Variants in SMOC1 observed in about 807,000 individuals in gnomAD.
SMOC1 encodes SPARC related modular calcium binding 1.
In SMOC1, 22 loss-of-function variants were observed where a neutral mutation model predicts 56.3. The observed-to-expected ratio is 0.39, with a 90% CI of 0.28 to 0.56. The LOEUF (loss-of-function observed/expected upper bound fraction) is 0.56. Among genes scored for constraint, SMOC1 ranks in the 20% least tolerant of loss-of-function variants. The pLI, the probability that SMOC1 is intolerant of heterozygous loss-of-function variation, is 0.61. For synonymous variants in SMOC1, 193 were observed against 215.0 expected (o/e 0.90, Z 0.89); for missense variants, 509 against 565.4 (o/e 0.90, Z 1.01).
At chr14:70,002,756 A>T (rs1178530351) in intron 7 of SMOC1, among the ~76,000 whole-genome samples, 1 of 152,198 alleles carries the variant, frequency 6.6e-6, no homozygotes, top group Non-Finnish European at 1.5e-5. Context: ...ACAAGTAAGA[A>T]AAATAACCTG....
At chr14:69,938,887 C>T (rs1340642755) in intron 1 of SMOC1, among the ~76,000 whole-genome samples, 1 of 152,184 alleles carries the variant, frequency 6.6e-6, no homozygotes, top group African/African-American at 2.4e-5. Context: ...GTCCTAGACT[C>T]TTGAACAAGA....
chr14:69,940,234 T>A (rs767409765), intron 1 of SMOC1, among the ~76,000 whole-genome samples: 1 of 152,104 alleles, frequency 6.6e-6, no homozygotes, highest in African/African-American at 2.4e-5. Flanking sequence ...ACTGAACTTC[T>A]CCCTCAGTCC....
rs185311738 is a variant in SMOC1 at position 69,933,916 on chromosome 14, T to C, written c.100-18222T>C. Among the ~76,000 whole-genome samples, 124 of 152,346 alleles carry C rather than the reference T, an allele frequency of 8.1e-4. 1 individual carries two copies. The highest frequency in any genetic ancestry group is 6.8e-3 in the Middle Eastern group (2 of 294). Reference sequence around the variant, plus strand: ...CTTCAGTGAAAGTATGTTGAAACCATGGGATGCAGTTTAAAAAACTGATTT... The same window carrying C: ...CTTCAGTGAAAGTATGTTGAAACCACGGGATGCAGTTTAAAAAACTGATTT... On this transcript the variant is annotated intron_variant, in intron 1 of 11. Coordinates refer to ENST00000361956, the MANE Select transcript of SMOC1 (RefSeq NM_001034852.3).
intron 10 of SMOC1, among the ~76,000 whole-genome samples, chr14:70,022,570 C>T (rs913695584): frequency 1.3e-5 from 2 of 152,234 alleles, no homozygotes; most frequent in Non-Finnish European, 2.9e-5. Context: ...TGGTGTCTGA[C>T]CCAGTTGCTT....
intron 1 of SMOC1, among the ~76,000 whole-genome samples, chr14:69,882,836 A>T (rs1012272073): frequency 1.3e-5 from 2 of 152,168 alleles, no homozygotes; most frequent in Non-Finnish European, 2.9e-5. Context: ...ACCTGTCAAG[A>T]TTTACTTTGT....
chr14:69,947,501 G>A (rs115517701), intron 1 of SMOC1, among the ~76,000 whole-genome samples: 3 of 152,228 alleles, frequency 2.0e-5, no homozygotes, highest in African/African-American at 7.2e-5. Context: ...TGCAAGAATG[G>A]CCTAACATAC....
chr14:69,971,860 C>T (rs1330637890), intron 3 of SMOC1, among the ~76,000 whole-genome samples: 1 of 152,228 alleles, frequency 6.6e-6, no homozygotes, highest in Non-Finnish European at 1.5e-5. Context: ...AAACGTTTTG[C>T]TGACTTTAGA....
rs1246999531 is a variant in SMOC1 at position 70,011,554 on chromosome 14, C to T, written c.927C>T (p.Asp309=). The change falls in exon 9 of 12, where the codon GAC becomes GAT. Residue 309 remains aspartate (D), a synonymous_variant. Transcript: ENST00000361956. ...KTTEADDPFK[D]RELPGCPEGK... is the part of the protein sequence containing the mutation. Reference sequence around the variant, plus strand: ...CAGAGGCGGATGACCCCTTCAAGGACAGGGAGCTACCAGGTGGGAGACGAT... The same window carrying T: ...CAGAGGCGGATGACCCCTTCAAGGATAGGGAGCTACCAGGTGGGAGACGAT... 1.8e-5 allele frequency: 29 copies of T among 1,613,154 alleles called. No homozygotes were observed. The East Asian group carries it at 6.5e-4, about 36-fold the overall frequency.
At chr14:69,892,031 A>G (rs1883975874) in intron 1 of SMOC1, among the ~76,000 whole-genome samples, 1 of 152,186 alleles carries the variant, frequency 6.6e-6, no homozygotes, top group Admixed American at 6.5e-5. Context: ...GAAGATATTA[A>G]TCTGTTTTTC....
intron 1 of SMOC1, among the ~76,000 whole-genome samples, chr14:69,892,273 T>C (rs1389604810): frequency 6.6e-6 from 1 of 152,230 alleles, no homozygotes; most frequent in African/African-American, 2.4e-5. Flanking sequence ...CCGATTAATG[T>C]TTGCTGTAAG....
At chr14:70,004,130 GC>G (rs1423909197) in intron 7 of SMOC1, among the ~76,000 whole-genome samples, 3 of 152,122 alleles carry the variant, frequency 2.0e-5, no homozygotes, top group African/African-American at 7.2e-5. Flanking sequence ...CACTGGGAGA[GC>G]TTCTGATTCT....
intron 1 of SMOC1, among the ~76,000 whole-genome samples, chr14:69,900,517 T>C (rs1451643075): frequency 6.6e-6 from 1 of 152,210 alleles, no homozygotes; most frequent in African/African-American, 2.4e-5. Flanking sequence ...CCGGGTACTT[T>C]TCTAAGCCCC....
At chr14:69,941,323 C>T (rs1224377159) in intron 1 of SMOC1, among the ~76,000 whole-genome samples, 2 of 152,208 alleles carry the variant, frequency 1.3e-5, no homozygotes, top group African/African-American at 2.4e-5. Flanking sequence ...GGGTAACCAC[C>T]TCTCAGGAGG....
intron 1 of SMOC1, among the ~76,000 whole-genome samples, chr14:69,882,214 C>G (rs147588753): frequency 2.0e-5 from 3 of 152,074 alleles, no homozygotes; most frequent in Admixed American, 1.3e-4. Context: ...CGGCGTCATC[C>G]GAGGAGCAGA....
chr14:69,903,473 G>A (rs540547702), intron 1 of SMOC1, among the ~76,000 whole-genome samples: 2 of 152,370 alleles, frequency 1.3e-5, no homozygotes, highest in African/African-American at 2.4e-5. Flanking sequence ...AGGGGGAAAT[G>A]TGGGGAAAAG....
rs573633855 is a variant in SMOC1, at chr14:69,921,785, C to T, written c.100-30353C>T. On this transcript the variant is annotated intron_variant, in intron 1 of 11. Coordinates refer to ENST00000361956, the MANE Select transcript of SMOC1 (RefSeq NM_001034852.3). ...CCAATGCTTCTTATGTGTTCCTTTC[C>T]TTTTATAAAATGGCTCAGAGGGTCT... 4.8e-4 allele frequency among the ~76,000 whole-genome samples: 73 copies of T among 152,288 alleles called. 1 individual carries two copies. The highest frequency in any genetic ancestry group is 1.7e-3 in the African/African-American group (71 of 41,562).
chr14:69,980,797 C>T (rs1368463626), intron 5 of SMOC1, among the ~76,000 whole-genome samples: 4 of 152,146 alleles, frequency 2.6e-5, no homozygotes, highest in Admixed American at 2.6e-4. Context: ...GGTCTGCACC[C>T]TTGTGCAGGG....
chr14:69,936,716 C>T (rs978084516), intron 1 of SMOC1, among the ~76,000 whole-genome samples: 25 of 152,206 alleles, frequency 1.6e-4, no homozygotes, highest in Admixed American at 3.3e-4. Context: ...CTGTGTGTGC[C>T]TCACTCTCAT....
In SMOC1 at chr14:70,030,285, A is replaced by G. The variant is rs749646389; in HGVS notation, c.*27A>G. On this transcript the variant is annotated 3_prime_UTR_variant, in exon 12 of 12. Coordinates refer to ENST00000361956, the MANE Select transcript of SMOC1 (RefSeq NM_001034852.3). The stretch of plus-strand genomic sequence containing the variant: ...GAGCAGAAAACCCAAGGGCAGGTGG[A>G]GAGTCCAGGGAGGCAGGATGGATCA... 1 of 1,608,550 alleles carries G rather than the reference A, an allele frequency of 6.2e-7. No homozygotes were observed. Among genetic ancestry groups the G allele is most frequent in the East Asian group, 2.2e-5 (1 of 44,564 alleles).
Sources: gnomAD v4.1 joint callset for allele counts (sites outside exome capture counted in the v4.1 genomes callset) on GRCh38, gnomAD v4.1.1 for gene constraint, MANE v1.5 for transcripts, NCBI Gene and HGNC (gene_info 2026-07-23, HGNC 2026-07-21) for gene names.